Variants in TBL1X observed in about 807,000 individuals in gnomAD.
TBL1X encodes the protein transducin beta like 1 X-linked.
TBL1X carries 10 observed loss-of-function variants against 50.7 expected under a neutral mutation model. The ratio of observed to expected loss-of-function variants is 0.20; its 90% CI spans 0.12 to 0.33. The LOEUF is 0.33. Ranked by LOEUF, TBL1X falls within the 10% of genes least tolerant of loss-of-function variation. The pLI, the probability that TBL1X is intolerant of heterozygous loss-of-function variation, is 1.00. For synonymous variants in TBL1X, 190 were observed against 214.7 expected, an observed-to-expected ratio of 0.88 and a Z score of 1.01; for missense variants, 340 against 504.4, an observed-to-expected ratio of 0.67 and a Z score of 3.12.
intron 2 of TBL1X, among the ~76,000 whole-genome samples, chrX:9,585,429 A>G (rs1282768819): frequency 9.7e-6 from 1 of 103,079 alleles, no homozygotes; most frequent in Admixed American, 1.1e-4. Flanking sequence ...TAAGCTGCCT[A>G]GGCAGCTCAG....
intron 2 of TBL1X, among the ~76,000 whole-genome samples, chrX:9,577,689 C>T (rs755618685): frequency 1.8e-5 from 2 of 111,799 alleles, no homozygotes; most frequent in African/African-American, 6.5e-5. Context: ...CTTTCTATTC[C>T]GAAGACCAGC....
intron 5 of TBL1X, among the ~76,000 whole-genome samples, chrX:9,667,653 A>C (rs2082938521): frequency 8.9e-6 from 1 of 112,137 alleles, no homozygotes; most frequent in African/African-American, 3.2e-5. Context: ...TTCGTGTAAT[A>C]TTAAGGGATA....
chrX:9,529,442 T>C (rs1453476949), intron 2 of TBL1X, among the ~76,000 whole-genome samples: 1 of 111,605 alleles, frequency 9.0e-6, no homozygotes, highest in Non-Finnish European at 1.9e-5. Context: ...TCAGACGTGC[T>C]AAAGGAGGGG....
At chrX:9,673,833 G>A (rs1601830450) in intron 5 of TBL1X, among the ~76,000 whole-genome samples, 1 of 112,037 alleles carries the variant, frequency 8.9e-6, no homozygotes, top group Admixed American at 9.4e-5. Context: ...TTGGGAGGCC[G>A]AGGTGGGTGG....
intron 2 of TBL1X, among the ~76,000 whole-genome samples, chrX:9,612,434 A>T (rs777657826): frequency 1.1e-4 from 12 of 111,847 alleles, no homozygotes; most frequent in African/African-American, 3.6e-4. Context: ...CAGCCACAGG[A>T]AAAGAGTACA....
intron 2 of TBL1X, among the ~76,000 whole-genome samples, chrX:9,559,094 A>G (rs2082313497): frequency 1.8e-5 from 2 of 111,722 alleles, no homozygotes; most frequent in South Asian, 7.5e-4. Flanking sequence ...CTGTGAATCC[A>G]GCATCTAACT....
At chrX:9,704,074 A>T (rs2083191914) in intron 12 of TBL1X, among the ~76,000 whole-genome samples, 1 of 111,963 alleles carries the variant, frequency 8.9e-6, no homozygotes, top group African/African-American at 3.2e-5. Flanking sequence ...ACTAAACTAC[A>T]AGGGGAGGTC....
chrX:9,602,026 A>G (rs1482189379), intron 2 of TBL1X, among the ~76,000 whole-genome samples: 1 of 112,271 alleles, frequency 8.9e-6, no homozygotes, highest in Non-Finnish European at 1.9e-5. Context: ...CCTGGGCAAC[A>G]GGTCGAGACT....
chrX:9,541,803 A>G (rs2082216199), intron 2 of TBL1X, among the ~76,000 whole-genome samples: 1 of 111,420 alleles, frequency 9.0e-6, no homozygotes, highest in Admixed American at 9.5e-5. Context: ...ACCAGGAATG[A>G]CCCTCGCTAG....
At chrX:9,513,949 C>G (rs1484477970) in intron 2 of TBL1X, among the ~76,000 whole-genome samples, 2 of 109,229 alleles carry the variant, frequency 1.8e-5, no homozygotes, top group Non-Finnish European at 3.8e-5. Flanking sequence ...TTTAAACAAC[C>G]AGCTCTTGCA....
At chrX:9,575,920 G>C (rs1284463256) in intron 2 of TBL1X, among the ~76,000 whole-genome samples, 1 of 111,734 alleles carries the variant, frequency 8.9e-6, no homozygotes, top group East Asian at 2.8e-4. Flanking sequence ...TCTGTTGTCA[G>C]TGTGGACATA....
chrX:9,657,897 C>T (rs1183692618), intron 5 of TBL1X, among the ~76,000 whole-genome samples: 4 of 112,246 alleles, frequency 3.6e-5, no homozygotes, highest in Non-Finnish European at 7.5e-5. Context: ...CTGGCTTTGA[C>T]GAGTGATATG....
intron 1 of TBL1X, among the ~76,000 whole-genome samples, chrX:9,491,093 C>G (rs1046328103): frequency 9.2e-6 from 1 of 108,178 alleles, no homozygotes; most frequent in East Asian, 2.9e-4. Flanking sequence ...ATCCTCCTGC[C>G]TCAGCCTCTT....
In TBL1X at chrX:9,655,069, G is replaced by A. The variant is rs532365758; in HGVS notation, c.211+747G>A. On this transcript the variant is annotated intron_variant, in intron 5 of 17. Coordinates refer to ENST00000645353, the MANE Select transcript of TBL1X (RefSeq NM_005647.4). ...CCATGTTTGCCTCCCCGCCTTCCTCGATGATGATGACCCTGGTGGACTTGC... is the reference window on the plus strand; with the variant it reads ...CCATGTTTGCCTCCCCGCCTTCCTCAATGATGATGACCCTGGTGGACTTGC... Among the ~76,000 whole-genome samples the A allele has an allele frequency of 9.4e-4, 105 of 111,595 alleles. 1 individual carries two copies. The South Asian group carries it at 0.037, about 40-fold the overall frequency.
intron 13 of TBL1X, among the ~76,000 whole-genome samples, chrX:9,707,789 G>A (rs763596792): frequency 7.2e-5 from 8 of 111,611 alleles, no homozygotes; most frequent in Admixed American, 3.8e-4. Context: ...CTCTCCAGTC[G>A]GCCCCCTCCA....
At chrX:9,708,122 G>A (rs1386679836) in intron 13 of TBL1X, among the ~76,000 whole-genome samples, 4 of 111,922 alleles carry the variant, frequency 3.6e-5, no homozygotes, top group African/African-American at 6.5e-5. Context: ...AAGCTGGTAC[G>A]CCATGTCCCC....
Position 9,707,166 on chromosome X carries a change from T to G in TBL1X, c.1236+2052T>G, listed in dbSNP as rs968193145. Among the ~76,000 whole-genome samples, 4 of 111,112 alleles carry G rather than the reference T, an allele frequency of 3.6e-5. No homozygotes were observed. The East Asian group carries it at 1.1e-3, about 32-fold the overall frequency. On this transcript the variant is annotated intron_variant, in intron 13 of 17. Transcript: ENST00000645353. ...AGGATGGTCACAGTCCCTGGAGATTTGCCATTGTGCCACTAACTTAACTGA... is the reference window on the plus strand; with the variant it reads ...AGGATGGTCACAGTCCCTGGAGATTGGCCATTGTGCCACTAACTTAACTGA...
intron 1 of TBL1X, among the ~76,000 whole-genome samples, chrX:9,493,373 T>A (rs756165227): frequency 1.8e-5 from 2 of 111,801 alleles, no homozygotes; most frequent in Non-Finnish European, 3.8e-5. Flanking sequence ...TGAAGACTTT[T>A]GGGGATTTGT....
rs58522206 is a variant in TBL1X, at chrX:9,518,098, CAAAA to C, written c.-131+16264_-131+16267del. ...TGGGCAACAGAGCCAGATCCTCTCT[CAAAA>C]AAAAAAAAAAAAAAGAAAAGAAAAA... On this transcript the variant is annotated intron_variant, in intron 2 of 17. Transcript: ENST00000645353. Among the ~76,000 whole-genome samples the C allele has an allele frequency of 2.5e-4, 17 of 68,234 alleles. No homozygotes were observed. The South Asian group carries it at 7.8e-3, about 31-fold the overall frequency. 59.3% of individuals were successfully genotyped at this position (68,234 alleles called of 115,157 possible). A position where few individuals can be genotyped will look rare whatever the true frequency, so the allele number is the denominator to read the frequency against.
Sources: gnomAD v4.1 joint callset for allele counts (sites outside exome capture counted in the v4.1 genomes callset) on GRCh38, gnomAD v4.1.1 for gene constraint, MANE v1.5 for transcripts, NCBI Gene and HGNC (gene_info 2026-07-23, HGNC 2026-07-21) for gene names.